PISD: variants seen among roughly 807,000 people sequenced by gnomAD.
PISD encodes phosphatidylserine decarboxylase, also known as phosphatidylserine decarboxylase proenzyme, mitochondrial.
PISD carries 31 observed loss-of-function variants against 43.5 expected under a neutral mutation model. The ratio of observed to expected loss-of-function variants is 0.71; its 90% confidence interval spans 0.54 to 0.96. PISD has a LOEUF of 0.96. Ranked by LOEUF, PISD falls within the 40% of genes least tolerant of loss-of-function variation. The probability of loss-of-function intolerance (pLI) is 0.00; values close to 1 mark genes in which losing one functional copy is unlikely to be tolerated. For synonymous variants in PISD, 259 were observed against 228.7 expected (o/e 1.13, Z -1.20); for missense variants, 523 against 548.4 (o/e 0.95, Z 0.46).
chr22:31,651,554 G>T (rs1406974897), intron 1 of PISD, among the ~76,000 whole-genome samples: 1 of 152,108 alleles, frequency 6.6e-6, no homozygotes, highest in Non-Finnish European at 1.5e-5. Context: ...TTCGAGACCA[G>T]CCTGACCAAC....
chr22:31,647,103 A>G (rs954496340), intron 3 of PISD, among the ~76,000 whole-genome samples: 3 of 152,168 alleles, frequency 2.0e-5, no homozygotes, highest in African/African-American at 7.2e-5. Context: ...TTAAAGTCCA[A>G]AAAAGGATTT....
intron 6 of PISD, 68 bp downstream of exon 6, chr22:31,620,927 AC>A: frequency 6.6e-7 from 1 of 1,515,002 alleles, no homozygotes; most frequent in Non-Finnish European, 8.8e-7. Flanking sequence ...GTCCCCCAAC[AC>A]CAAGAAGCTG....
intron 1 of PISD, among the ~76,000 whole-genome samples, chr22:31,653,902 T>C (rs1297425968): frequency 6.6e-6 from 1 of 152,194 alleles, no homozygotes; most frequent in African/African-American, 2.4e-5. Context: ...GAGAATCTTA[T>C]TACGGGATCG....
rs2074120942 is a variant in PISD, at chr22:31,654,785, T to C, written c.66-4007A>G. Among the ~76,000 whole-genome samples the C allele has an allele frequency of 2.0e-5, 3 of 152,034 alleles. 1 individual carries two copies. Among genetic ancestry groups the C allele is most frequent in the Admixed American group, 2.0e-4 (3 of 15,236 alleles). Reference sequence around the variant, plus strand: ...TGCCGACTGTGGGAAGTATTAAAGATGGCAGGAAGGCCAGGCGTGGTGGCT... The same window carrying C: ...TGCCGACTGTGGGAAGTATTAAAGACGGCAGGAAGGCCAGGCGTGGTGGCT... On this transcript the variant is annotated intron_variant, in intron 1 of 7. Coordinates refer to ENST00000439502, the MANE Select transcript of PISD (RefSeq NM_001326411.2).
intron 1 of PISD, among the ~76,000 whole-genome samples, chr22:31,656,197 A>G (rs1477531533): frequency 6.6e-6 from 1 of 152,100 alleles, no homozygotes; most frequent in African/African-American, 2.4e-5. Context: ...ACAAAAAATT[A>G]GACGGGTGTG....
intron 1 of PISD, among the ~76,000 whole-genome samples, chr22:31,651,984 T>A (rs554686536): frequency 8.5e-4 from 130 of 152,262 alleles, no homozygotes; most frequent in Non-Finnish European, 1.1e-3. Flanking sequence ...AAAAACTGTA[T>A]CCGAGTCAAT....
At chr22:31,642,051 T>G (rs1267804580) in intron 3 of PISD, among the ~76,000 whole-genome samples, 1 of 151,032 alleles carries the variant, frequency 6.6e-6, no homozygotes, top group Non-Finnish European at 1.5e-5. Flanking sequence ...TGCAAAGGTA[T>G]GCTCTGCAAC....
At chr22:31,623,986 G>C in intron 3 of PISD, 1 of 741,820 alleles carries the variant, frequency 1.3e-6, no homozygotes, top group Non-Finnish European at 2.2e-6. Flanking sequence ...TGGGGGTGAT[G>C]GAGCCCAGCA....
chr22:31,620,467 C>A, intron 7 of PISD, 86 bp downstream of exon 7: 1 of 1,371,334 alleles, frequency 7.3e-7, no homozygotes, highest in South Asian at 1.3e-5. Flanking sequence ...GAATTCAGTC[C>A]CAACGCATCC....
At chr22:31,634,834 CAAAAAAA>C (rs33999998) in intron 3 of PISD, among the ~76,000 whole-genome samples, 5 of 81,088 alleles carry the variant, frequency 6.2e-5, no homozygotes, top group South Asian at 5.0e-4. Flanking sequence ...GACTCCATCT[CAAAAAAA>C]AAAAAAAAAA....
In PISD at chr22:31,621,901, C is replaced by T. The variant is rs150768643; in HGVS notation, c.322-16G>A. 18 of 1,590,684 alleles carry T rather than the reference C, an allele frequency of 1.1e-5. No individual in the cohort carries two copies. In the East Asian group the frequency reaches 4.0e-4, roughly 36 times the overall value. On this transcript the variant is annotated splice_polypyrimidine_tract_variant and intron_variant, in intron 3 of 7. Coordinates refer to ENST00000439502, the MANE Select transcript of PISD (RefSeq NM_001326411.2). ...ACAAAGCCACCTGCAGGCCACAGGG[C>T]AAGGGGCTGAGTTGACCACACTGCC...
At chr22:31,624,709 G>A (rs1381293374) in intron 3 of PISD, among the ~76,000 whole-genome samples, 1 of 113,204 alleles carries the variant, frequency 8.8e-6, no homozygotes, top group Non-Finnish European at 1.8e-5. Context: ...TTCAGCAAAG[G>A]TGGACACACA....
chr22:31,625,840 G>A (rs374284783), intron 3 of PISD: 10 of 1,588,500 alleles, frequency 6.3e-6, no homozygotes, highest in East Asian at 2.3e-5. Flanking sequence ...AGGGCGGGGC[G>A]AGGCTCACTC....
At position 31,644,431 on chromosome 22, in the gene PISD, G is replaced by A. The variant is rs558340108; in HGVS notation, c.321+3670C>T. ...ATTTTTTGTATTTTTAGTAGAGATG[G>A]GGTTTCACCATGTTAACCAGGATGG... On this transcript the variant is annotated intron_variant, in intron 3 of 7. Coordinates refer to ENST00000439502, the MANE Select transcript of PISD (RefSeq NM_001326411.2). Among the ~76,000 whole-genome samples, 29 of 151,840 alleles carry A rather than the reference G, an allele frequency of 1.9e-4. No individual in the cohort carries two copies. The South Asian group carries it at 5.8e-3, about 31-fold the overall frequency.
At chr22:31,658,957 A>C (rs1428187481) in intron 1 of PISD, among the ~76,000 whole-genome samples, 1 of 150,844 alleles carries the variant, frequency 6.6e-6, no homozygotes, top group Non-Finnish European at 1.5e-5. Flanking sequence ...GGGCTCAGGC[A>C]ATCCTCCTAC....
chr22:31,639,887 G>T (rs1213078032), intron 3 of PISD, among the ~76,000 whole-genome samples: 1 of 152,142 alleles, frequency 6.6e-6, no homozygotes, highest in African/African-American at 2.4e-5. Flanking sequence ...CTCAGGCCAA[G>T]AACCAAGAAT....
chr22:31,646,950 A>C (rs1569491051), intron 3 of PISD, among the ~76,000 whole-genome samples: 2 of 152,114 alleles, frequency 1.3e-5, no homozygotes, highest in Admixed American at 6.6e-5. Flanking sequence ...ATGGACATAC[A>C]GGGCAAGAGC....
rs763072726 is a variant in PISD at position 31,648,307 on chromosome 22, TGA to T, written c.146-33_146-32del. 3.2e-6 allele frequency: 5 copies of T among 1,565,562 alleles called. No individual in the cohort carries two copies. In the East Asian group the frequency reaches 1.2e-4, roughly 36 times the overall value. On this transcript the variant is annotated intron_variant, in intron 2 of 7. Coordinates refer to ENST00000439502, the MANE Select transcript of PISD (RefSeq NM_001326411.2). ...ATAAAAAACAGGACAATTTCAAGCC[TGA>T]GAGACAGGAATAGGGAAGAGTCATG...
At chr22:31,623,152 C>T (rs540962531) in intron 3 of PISD, among the ~76,000 whole-genome samples, 3 of 152,330 alleles carry the variant, frequency 2.0e-5, no homozygotes, top group South Asian at 2.1e-4. Flanking sequence ...GCCTGGGAAG[C>T]CAAGGGCAAG....
Sources: allele counts gnomAD v4.1 joint callset (sites outside exome capture counted in the v4.1 genomes callset), GRCh38; gene constraint gnomAD v4.1.1; transcripts MANE v1.5; gene names NCBI Gene and HGNC (gene_info 2026-07-23, HGNC 2026-07-21).